Variants in CDK5RAP3 observed in about 807,000 individuals in gnomAD.
CDK5RAP3 encodes the protein CDK5 regulatory subunit-associated protein 3.
In CDK5RAP3, 58 loss-of-function variants were observed where a neutral mutation model predicts 73.3. The ratio of observed to expected loss-of-function variants is 0.79; its 90% CI spans 0.64 to 0.98. The LOEUF (loss-of-function observed/expected upper bound fraction) is 0.98. Among genes scored for constraint, CDK5RAP3 ranks in the 50% least tolerant of loss-of-function variants. The pLI, the probability that CDK5RAP3 is intolerant of heterozygous loss-of-function variation, is 0.00. For missense variants in CDK5RAP3, 525 were observed against 615.8 expected (o/e 0.85, Z 1.56); for synonymous variants, 224 against 247.5 (o/e 0.91, Z 0.89).
chr17:47,971,580 C>A (rs538074010), intron 2 of CDK5RAP3, among the ~76,000 whole-genome samples, 173 bp downstream of exon 2: 1 of 152,354 alleles, frequency 6.6e-6, no homozygotes, highest in South Asian at 2.1e-4. Flanking sequence ...GCAGCGGGAA[C>A]GAACCATATG....
At chr17:47,973,788 C>G in intron 3 of CDK5RAP3, 138 bp downstream of exon 3, 2 of 1,246,018 alleles carry the variant, frequency 1.6e-6, no homozygotes, top group Non-Finnish European at 2.3e-6. Flanking sequence ...TAGATGCTGG[C>G]TTCTTCCACT....
In CDK5RAP3 at chr17:47,981,570, T is replaced by C. The variant is rs1407538169; in HGVS notation, c.*68T>C. The C allele has an allele frequency of 1.9e-6, 3 of 1,613,596 alleles. No individual in the cohort carries two copies. The East Asian group carries it at 6.7e-5, about 36-fold the overall frequency. ...ATGAAGATGATAGCCAGGGCTGTTGTTTTGGGGCCCTTCAAGGCAAAAGAC... is the reference window on the plus strand; with the variant it reads ...ATGAAGATGATAGCCAGGGCTGTTGCTTTGGGGCCCTTCAAGGCAAAAGAC... On this transcript the variant is annotated 3_prime_UTR_variant, in exon 14 of 14. Coordinates refer to ENST00000338399, the MANE Select transcript of CDK5RAP3 (RefSeq NM_176096.3).
chr17:47,971,194 A>T lies in CDK5RAP3; in HGVS notation c.6+42A>T. ...TGGGTGTGCTGGGGACTGGCCGCGG[A>T]CCCCTAACCTGTGTCTCCGGTCTCC... On this transcript the variant is annotated intron_variant, in intron 1 of 13. Coordinates refer to ENST00000338399, the MANE Select transcript of CDK5RAP3 (RefSeq NM_176096.3). The T allele has an allele frequency of 2.0e-6, 3 of 1,529,182 alleles. No individual in the cohort carries two copies. The South Asian group carries it at 3.6e-5, about 19-fold the overall frequency. 94.7% of individuals were successfully genotyped at this position (1,529,182 alleles called of 1,614,324 possible).
Position 47,973,687 on chromosome 17 carries a change from T to A in CDK5RAP3, c.184+37T>A. On this transcript the variant is annotated intron_variant, in intron 3 of 13. Transcript: ENST00000338399. Reference sequence around the variant, plus strand: ...GGGGCTGTCACTGGAGTCCCCTCTTTGCTGAGGTAGTATGTATCAGCTGAG... The same window carrying A: ...GGGGCTGTCACTGGAGTCCCCTCTTAGCTGAGGTAGTATGTATCAGCTGAG... 3 of 1,610,872 alleles carry A rather than the reference T, an allele frequency of 1.9e-6. No individual in the cohort carries two copies. In the South Asian group the frequency reaches 3.3e-5, roughly 18 times the overall value.
intron 13 of CDK5RAP3, 38 bp from the exon 14 acceptor site, chr17:47,981,399 G>A: frequency 1.2e-6 from 2 of 1,614,224 alleles, no homozygotes; most frequent in Non-Finnish European, 1.7e-6. Context: ...GAGGCCCTGA[G>A]CACCCCTGCT....
chr17:47,981,105 G>A (rs1340616985), intron 12 of CDK5RAP3, 58 bp from the exon 13 acceptor site: 16 of 1,548,574 alleles, frequency 1.0e-5, no homozygotes, highest in African/African-American at 1.4e-5. Context: ...CCCAGCAGCT[G>A]AATGGGAATG....
intron 2 of CDK5RAP3, 113 bp downstream of exon 2, chr17:47,971,520 C>T (rs1225874443): frequency 5.7e-6 from 6 of 1,043,512 alleles, no homozygotes; most frequent in Non-Finnish European, 5.5e-6. Context: ...AGATGCTGAC[C>T]ACTGGCCTCG....
In CDK5RAP3 at chr17:47,971,360, A is replaced by G. The variant is rs763223898; in HGVS notation, c.7-2A>G. Reference sequence around the variant, plus strand: ...CCCCCTCCTCACCGTGTTTCCCGCCAGGACCATCAGCACGTGCCCATCGAC... The same window carrying G: ...CCCCCTCCTCACCGTGTTTCCCGCCGGGACCATCAGCACGTGCCCATCGAC... On this transcript the variant is annotated splice_acceptor_variant, in intron 1 of 13. Transcript: ENST00000338399. LOFTEE classifies it high-confidence loss of function. 2.5e-6 allele frequency: 4 copies of G among 1,610,588 alleles called. No homozygotes were observed. The highest frequency in any genetic ancestry group is 3.4e-6 in the Non-Finnish European group (4 of 1,178,648).
At chr17:47,976,621 C>T (rs2036418375) in intron 8 of CDK5RAP3, 91 bp from the exon 9 acceptor site, 2 of 894,504 alleles carry the variant, frequency 2.2e-6, no homozygotes, top group South Asian at 1.3e-5. Flanking sequence ...TCCTCGGCCT[C>T]CCAAAGTACT....
chr17:47,980,797 A>G lies in CDK5RAP3; in HGVS notation c.1282A>G (p.Arg428Gly). 1 of 1,614,112 alleles carries G rather than the reference A, an allele frequency of 6.2e-7. No homozygotes were observed. The highest frequency in any genetic ancestry group is 1.1e-5 in the South Asian group (1 of 91,082). ...QHLFMILASP[R>G]YVDRVTEFLQ... Reference sequence around the variant, plus strand: ...CCTGTTTATGATCCTGGCCTCACCAAGGTCTGGCTTCCCCTTGATGCAAGG... The same window carrying G: ...CCTGTTTATGATCCTGGCCTCACCAGGGTCTGGCTTCCCCTTGATGCAAGG... The change falls in exon 12 of 14, where the codon AGG becomes GGG. Residue 428 changes from arginine (R) to glycine (G), a missense_variant and splice_region_variant. Arg to Gly is a moderately radical substitution (Grantham distance 125). Transcript: ENST00000338399.
intron 3 of CDK5RAP3, 116 bp downstream of exon 3, chr17:47,973,766 T>C: frequency 7.3e-7 from 1 of 1,370,216 alleles, no homozygotes; most frequent in Non-Finnish European, 1.0e-6. Context: ...GGAGCGATTT[T>C]TATTTGAGGT....
chr17:47,975,918 A>G lies in CDK5RAP3; in HGVS notation c.703A>G (p.Asn235Asp), dbSNP rs1428939978. 1.2e-6 allele frequency: 2 copies of G among 1,614,210 alleles called. No individual in the cohort carries two copies. Among genetic ancestry groups the G allele is most frequent in the East Asian group, 2.2e-5 (1 of 44,892 alleles). ...PMLRFVQKRG[N>D]STVYEWRTGT... ...GCTGCGGTTCGTGCAGAAGCGGGGAAACTCAACGGTGTACGAGTGGAGGAC... is the reference window on the plus strand; with the variant it reads ...GCTGCGGTTCGTGCAGAAGCGGGGAGACTCAACGGTGTACGAGTGGAGGAC... Residue 235 changes from asparagine to aspartate, a missense_variant, in exon 8 of 14, where the codon AAC becomes GAC. Coordinates refer to ENST00000338399, the MANE Select transcript of CDK5RAP3 (RefSeq NM_176096.3).
At position 47,973,999 on chromosome 17, in the gene CDK5RAP3, A is replaced by G. The variant is rs559589177; in HGVS notation, c.253A>G (p.Ile85Val). The stretch of plus-strand genomic sequence containing the variant: ...AGGCACAGAGGCCTCCACGAAGAAT[A>G]TTTTTGGCCGATACTCTTCACAGCG... ...LKGTEASTKN[I>V]FGRYSSQRMK... Residue 85 changes from isoleucine (I) to valine (V), a missense_variant, in exon 4 of 14, where the codon ATT (isoleucine) becomes GTT (valine). Ile to Val is a conservative substitution (Grantham distance 29). Around this residue, in one of 2 missense-constraint regions of CDK5RAP3, gnomAD observed 409 missense variants for 429.8 expected, o/e 0.95. Transcript: ENST00000338399. 2 of 1,614,050 alleles carry G rather than the reference A, an allele frequency of 1.2e-6. No homozygotes were observed. The highest frequency in any genetic ancestry group is 2.2e-5 in the East Asian group (1 of 44,886).
Position 47,975,585 on chromosome 17 carries a change from A to T in CDK5RAP3, c.585A>T (p.Ala195=). Residue 195 remains alanine, a synonymous_variant, in exon 7 of 14, where the codon GCA becomes GCT. Transcript: ENST00000338399. ...DLPSQLAEIG[A]AAQQSLGEAI... Reference sequence around the variant, plus strand: ...CGAGTCAGCTGGCTGAGATTGGGGCAGCGGCTCAGCAGTCCCTGGGGGAAG... The same window carrying T: ...CGAGTCAGCTGGCTGAGATTGGGGCTGCGGCTCAGCAGTCCCTGGGGGAAG... 6.2e-7 allele frequency: 1 copy of T among 1,609,842 alleles called. No homozygotes were observed. Among genetic ancestry groups the T allele is most frequent in the East Asian group, 2.2e-5 (1 of 44,886 alleles).
Position 47,978,783 on chromosome 17 carries a change from C to T in CDK5RAP3, c.989-46C>T, listed in dbSNP as rs551243134. On this transcript the variant is annotated intron_variant, in intron 10 of 13. Transcript: ENST00000338399. ...TCTCACACTTGAGGGTCTTTTCCTTCTCCAGTCCTCTGATCCTTTATCACT... is the reference window on the plus strand; with the variant it reads ...TCTCACACTTGAGGGTCTTTTCCTTTTCCAGTCCTCTGATCCTTTATCACT... The T allele has an allele frequency of 1.5e-4, 216 of 1,464,138 alleles. 1 individual carries two copies. In the South Asian group the frequency reaches 2.4e-3, roughly 16 times the overall value. The allele number at this position is 1,464,138 out of a possible 1,614,324, so 90.7% of individuals were successfully genotyped here.
At chr17:47,971,851 C>G (rs927605703) in intron 2 of CDK5RAP3, among the ~76,000 whole-genome samples, 1 of 152,010 alleles carries the variant, frequency 6.6e-6, no homozygotes, top group East Asian at 1.9e-4. Flanking sequence ...AAAAAGTAGC[C>G]GGGCATGGGA....
At chr17:47,974,100 G>A (rs2036336455) in intron 4 of CDK5RAP3, 69 bp downstream of exon 4, 1 of 1,113,552 alleles carries the variant, frequency 9.0e-7, no homozygotes, top group Admixed American at 1.7e-5. Context: ...TAGCCTCTGT[G>A]GTCTCTCTGA....
At chr17:47,979,314 T>A (rs1256111803) in intron 11 of CDK5RAP3, 1 of 176,550 alleles carries the variant, frequency 5.7e-6, no homozygotes, top group Non-Finnish European at 1.2e-5. Context: ...TGGTTTTGTA[T>A]CTGGTGGTCA....
intron 12 of CDK5RAP3, 79 bp from the exon 13 acceptor site, chr17:47,981,084 C>G (rs2036961399): frequency 6.8e-7 from 1 of 1,480,546 alleles, no homozygotes; most frequent in Non-Finnish European, 9.2e-7. Flanking sequence ...GTTTCCCGAG[C>G]CTCTCACCTC....
Sources: gnomAD v4.1 joint callset for allele counts (sites outside exome capture counted in the v4.1 genomes callset) on GRCh38, gnomAD v4.1.1 for gene constraint, gnomAD v4.1.1 regional missense constraint, MANE v1.5 for transcripts, NCBI Gene and HGNC (gene_info 2026-07-23, HGNC 2026-07-21) for gene names.